Variants in ZMYM4 observed in about 807,000 individuals in gnomAD.
ZMYM4 encodes the protein zinc finger MYM-type protein 4.
A neutral mutation model predicts 183.2 loss-of-function variants in ZMYM4; 31 were observed. The observed-to-expected ratio is 0.17, with a 90% CI of 0.13 to 0.23. The LOEUF is 0.23. Ranked by LOEUF, ZMYM4 falls within the 10% of genes least tolerant of loss-of-function variation. ZMYM4 has a pLI of 1.00. For missense variants in ZMYM4, 1,273 were observed against 1,840.3 expected (o/e 0.69, Z 5.64); for synonymous variants, 592 against 631.2 (o/e 0.94, Z 0.93).
intron 9 of ZMYM4, among the ~76,000 whole-genome samples, chr1:35,384,532 A>T (rs1644531639): frequency 1.3e-5 from 2 of 151,786 alleles, no homozygotes; most frequent in Admixed American, 1.3e-4. Context: ...AAGATAACGG[A>T]CTCTGGTTGT....
intron 19 of ZMYM4, chr1:35,397,024 T>C (rs994118288): frequency 4.3e-5 from 39 of 898,462 alleles, no homozygotes; most frequent in Non-Finnish European, 5.3e-5. Context: ...AAAAATGTAT[T>C]TTTTAATTAC....
chr1:35,321,491 CAGGAA>C (rs1331799205), intron 1 of ZMYM4, among the ~76,000 whole-genome samples: 1 of 151,860 alleles, frequency 6.6e-6, no homozygotes, highest in Non-Finnish European at 1.5e-5. Context: ...AATGTGAAGG[CAGGAA>C]AAGATAAAGC....
At chr1:35,392,137 A>G in intron 15 of ZMYM4, 75 bp from the exon 16 acceptor site, 1 of 1,585,776 alleles carries the variant, frequency 6.3e-7, no homozygotes, top group South Asian at 1.1e-5. Flanking sequence ...ACATTGTTTA[A>G]CTTCCTTGAA....
At chr1:35,394,209 C>T (rs934419282) in intron 18 of ZMYM4, among the ~76,000 whole-genome samples, 9 of 136,670 alleles carry the variant, frequency 6.6e-5, no homozygotes, top group East Asian at 4.9e-4. Flanking sequence ...TGCCTCTCCC[C>T]CTAGGCAGAA....
intron 1 of ZMYM4, among the ~76,000 whole-genome samples, chr1:35,295,115 G>A (rs1640943696): frequency 6.6e-6 from 1 of 152,180 alleles, no homozygotes; most frequent in South Asian, 2.1e-4. Flanking sequence ...TCCAGGGATG[G>A]GGTGGGAATA....
intron 2 of ZMYM4, among the ~76,000 whole-genome samples, chr1:35,345,333 A>G (rs900008576): frequency 2.0e-5 from 3 of 152,112 alleles, no homozygotes; most frequent in African/African-American, 7.2e-5. Flanking sequence ...AATATTTTAA[A>G]CTGTATGGAC....
chr1:35,404,667 G>A (rs1308320423), intron 23 of ZMYM4, among the ~76,000 whole-genome samples: 1 of 152,080 alleles, frequency 6.6e-6, no homozygotes, highest in Admixed American at 6.6e-5. Context: ...GTTGAGGCTT[G>A]TTTTATAGCA....
chr1:35,302,975 C>CAA (rs775738760), intron 1 of ZMYM4, among the ~76,000 whole-genome samples: 3 of 108,476 alleles, frequency 2.8e-5, no homozygotes, highest in Non-Finnish European at 5.8e-5. Flanking sequence ...ACACTGTCTC[C>CAA]AAAAAAAAAA....
chr1:35,320,574 A>G (rs899567209), intron 1 of ZMYM4, among the ~76,000 whole-genome samples: 1 of 152,152 alleles, frequency 6.6e-6, no homozygotes, highest in Non-Finnish European at 1.5e-5. Flanking sequence ...ACCCCAAGTT[A>G]TATAGCTGGC....
intron 1 of ZMYM4, among the ~76,000 whole-genome samples, chr1:35,295,769 C>T (rs551926549): frequency 6.6e-6 from 1 of 152,280 alleles, no homozygotes; most frequent in East Asian, 1.9e-4. Context: ...CCAGTCTGTC[C>T]TCAGTCAAGA....
chr1:35,409,897 G>A (rs1244524468), intron 26 of ZMYM4, among the ~76,000 whole-genome samples: 6 of 150,186 alleles, frequency 4.0e-5, no homozygotes, highest in East Asian at 2.0e-4. Flanking sequence ...CCAAGATCGC[G>A]CCCCTGCACT....
At chr1:35,300,736 T>C (rs902982260) in intron 1 of ZMYM4, among the ~76,000 whole-genome samples, 1 of 152,232 alleles carries the variant, frequency 6.6e-6, no homozygotes, top group African/African-American at 2.4e-5. Flanking sequence ...TAAGTTCAGT[T>C]TGGGTACTTT....
At chr1:35,294,313 A>G (rs76420712) in intron 1 of ZMYM4, among the ~76,000 whole-genome samples, 4 of 152,258 alleles carry the variant, frequency 2.6e-5, no homozygotes, top group Non-Finnish European at 5.9e-5. Flanking sequence ...ATGTTCCTGG[A>G]TGGAAAAACT....
chr1:35,385,368 G>A, intron 9 of ZMYM4, 74 bp from the exon 10 acceptor site: 3 of 1,443,728 alleles, frequency 2.1e-6, no homozygotes, highest in Non-Finnish European at 2.8e-6. Flanking sequence ...AAAGTGTTGA[G>A]TATAAACATT....
At chr1:35,370,206 C>G in intron 6 of ZMYM4, 93 bp downstream of exon 6, 1 of 1,535,682 alleles carries the variant, frequency 6.5e-7, no homozygotes, top group South Asian at 1.2e-5. Flanking sequence ...AGGCAGCTCT[C>G]TCTACCCACT....
chr1:35,382,181 T>TACAC lies in ZMYM4; in HGVS notation c.1569+452_1569+455dup, dbSNP rs59402643. 8.0e-3 allele frequency among the ~76,000 whole-genome samples: 1,067 copies of TACAC among 133,532 alleles called. 4 individuals are homozygous for TACAC. Among genetic ancestry groups the TACAC allele is most frequent in the African/African-American group, 0.021 (767 of 36,912 alleles). 87.6% of individuals were successfully genotyped at this position (133,532 alleles called of 152,430 possible). ...AAACAAAAATGTATATATACACACA[T>TACAC]ACACACACACACACACACACACACA... On this transcript the variant is annotated intron_variant, in intron 9 of 29. Transcript: ENST00000314607.
intron 2 of ZMYM4, among the ~76,000 whole-genome samples, chr1:35,336,887 A>G (rs1642996807): frequency 1.3e-5 from 2 of 152,130 alleles, no homozygotes; most frequent in Admixed American, 6.6e-5. Context: ...AGTTCCCCCC[A>G]TGTTGTTCTT....
intron 2 of ZMYM4, among the ~76,000 whole-genome samples, chr1:35,354,039 T>G (rs1384589238): frequency 6.6e-6 from 1 of 151,978 alleles, no homozygotes; most frequent in East Asian, 1.9e-4. Context: ...GTCTCAGCTA[T>G]TTGGGAGGCT....
At chr1:35,369,707 A>C (rs1238088608) in intron 5 of ZMYM4, among the ~76,000 whole-genome samples, 1 of 151,860 alleles carries the variant, frequency 6.6e-6, no homozygotes, top group African/African-American at 2.4e-5. Flanking sequence ...TTCTATAGTG[A>C]TTGTGTATTA....
Sources: gnomAD v4.1 joint callset for allele counts (sites outside exome capture counted in the v4.1 genomes callset) on GRCh38, gnomAD v4.1.1 for gene constraint, MANE v1.5 for transcripts, NCBI Gene and HGNC (gene_info 2026-07-23, HGNC 2026-07-21) for gene names.